Variants in ARHGAP39 observed in about 807,000 individuals in gnomAD.
The protein encoded by ARHGAP39 is rho GTPase-activating protein 39.
A neutral mutation model predicts 106.9 loss-of-function variants in ARHGAP39; 44 were observed. The ratio of observed to expected loss-of-function variants is 0.41; its 90% CI spans 0.32 to 0.53. The LOEUF is 0.53. Among genes scored for constraint, ARHGAP39 ranks in the 20% least tolerant of loss-of-function variants. The pLI is 0.21. For missense variants in ARHGAP39, 1,496 were observed against 1,577.3 expected (o/e 0.95, Z 0.87); for synonymous variants, 768 against 693.2 (o/e 1.11, Z -1.69).
chr8:144,581,518 G>A (rs1465579731), intron 2 of ARHGAP39, among the ~76,000 whole-genome samples: 1 of 152,246 alleles, frequency 6.6e-6, no homozygotes, highest in South Asian at 2.1e-4. Flanking sequence ...TGGGCCCCAC[G>A]TGGGGTAGGG....
intron 3 of ARHGAP39, among the ~76,000 whole-genome samples, chr8:144,560,079 G>T (rs185147317): frequency 1.3e-5 from 2 of 152,316 alleles, no homozygotes; most frequent in African/African-American, 4.8e-5. Context: ...TATGACTAAT[G>T]TACATTGCTT....
chr8:144,631,382 TCCAAC>T (rs1468823984), intron 1 of ARHGAP39, among the ~76,000 whole-genome samples: 3 of 152,234 alleles, frequency 2.0e-5, no homozygotes, highest in Admixed American at 2.0e-4. Context: ...TCACTCATCT[TCCAAC>T]CCTCGAGTTC....
chr8:144,615,891 C>G (rs1015890951), intron 1 of ARHGAP39, among the ~76,000 whole-genome samples: 7 of 152,234 alleles, frequency 4.6e-5, no homozygotes, highest in Non-Finnish European at 8.8e-5. Flanking sequence ...AGCAGCTGTG[C>G]TCACCAAAGC....
Position 144,548,772 on chromosome 8 carries a change from G to C in ARHGAP39, c.597-283C>G, listed in dbSNP as rs1311061301. Among the ~76,000 whole-genome samples, 1 of 152,170 alleles carries C rather than the reference G, an allele frequency of 6.6e-6. No homozygotes were observed. The highest frequency in any genetic ancestry group is 2.1e-4 in the South Asian group (1 of 4,826). ...TGCTTCTGTAACTAGAACCGGGGGC[G>C]GCGTTACCAGGGCCCTTAATGTGGG... On this transcript the variant is annotated intron_variant, in intron 4 of 11. Transcript: ENST00000377307. This position sits in a 1 kb window ranked among gnomAD's most constrained non-coding sequence, Gnocchi z 7.4.
chr8:144,530,669 G>GC, intron 11 of ARHGAP39, 33 bp downstream of exon 11: 1 of 1,105,636 alleles, frequency 9.0e-7, no homozygotes, highest in Non-Finnish European at 1.3e-6. Flanking sequence ...GCGGGGAGGG[G>GC]AAAGCAGCGG....
At chr8:144,578,131 A>G (rs1383260451) in intron 3 of ARHGAP39, among the ~76,000 whole-genome samples, 2 of 152,258 alleles carry the variant, frequency 1.3e-5, no homozygotes, top group African/African-American at 2.4e-5. Context: ...AAAACTTATT[A>G]CAAAGCTACA....
At chr8:144,681,417 G>A (rs1052421929) in intron 1 of ARHGAP39, among the ~76,000 whole-genome samples, 1 of 152,214 alleles carries the variant, frequency 6.6e-6, no homozygotes, top group Non-Finnish European at 1.5e-5. Context: ...TGTCTTTACA[G>A]GACACCTGCA....
intron 1 of ARHGAP39, among the ~76,000 whole-genome samples, chr8:144,640,223 G>A (rs1385828517): frequency 1.3e-5 from 2 of 152,178 alleles, no homozygotes; most frequent in Non-Finnish European, 1.5e-5. Flanking sequence ...TTGCACACGG[G>A]GGACTGACAG....
Position 144,547,987 on chromosome 8 carries a change from G to T in ARHGAP39, c.1099C>A (p.Pro367Thr). 1 of 1,609,774 alleles carries T rather than the reference G, an allele frequency of 6.2e-7. No homozygotes were observed. ...LQPNKQGPPS[P>T]CQQLVLTKQK... ...TTGGTGAGCACCAGCTGCTGGCAGGGCGAGGGGGGGCCCTGCTTGTTGGGC... is the reference window on the plus strand; with the variant it reads ...TTGGTGAGCACCAGCTGCTGGCAGGTCGAGGGGGGGCCCTGCTTGTTGGGC... Residue 367 changes from proline (P) to threonine (T), a missense_variant, in exon 5 of 12, where the codon CCC (proline) becomes ACC (threonine). Around this residue, in one of 4 missense-constraint regions of ARHGAP39, gnomAD observed 905 missense variants for 816.4 expected, o/e 1.11. Transcript: ENST00000377307. This position sits in a 1 kb window ranked among gnomAD's most constrained non-coding sequence, Gnocchi z 5.2.
the ARHGAP39 span, among the ~76,000 whole-genome samples, chr8:144,695,543 C>T: frequency 5.9e-5 from 9 of 152,018 alleles, no homozygotes; most frequent in Admixed American, 4.6e-4. Context: ...TTAGAGAAAA[C>T]GCCACACTTT....
intron 1 of ARHGAP39, among the ~76,000 whole-genome samples, chr8:144,637,492 C>T (rs1821200493): frequency 6.6e-6 from 1 of 152,250 alleles, no homozygotes; most frequent in South Asian, 2.1e-4. Context: ...TGCCTGTAAT[C>T]CCAGCTACTC....
chr8:144,624,140 A>G (rs930045262), intron 1 of ARHGAP39, among the ~76,000 whole-genome samples: 3 of 152,208 alleles, frequency 2.0e-5, no homozygotes, highest in Non-Finnish European at 4.4e-5. Flanking sequence ...TAAATCAGCC[A>G]GGAGCCATAC....
intron 6 of ARHGAP39, among the ~76,000 whole-genome samples, chr8:144,540,227 A>C (rs1356054302): frequency 1.3e-5 from 2 of 152,168 alleles, no homozygotes; most frequent in Non-Finnish European, 2.9e-5. Flanking sequence ...GCAAAACTTC[A>C]TCTCTCCAAA....
At chr8:144,650,054 A>G (rs547691757) in intron 1 of ARHGAP39, among the ~76,000 whole-genome samples, 1 of 152,128 alleles carries the variant, frequency 6.6e-6, no homozygotes, top group Admixed American at 6.5e-5. Flanking sequence ...AAGACAGGAG[A>G]ATTTCTTGAA....
At position 144,684,488 on chromosome 8, in the gene ARHGAP39, G is replaced by C. The variant is rs777140596; in HGVS notation, c.-82+1198C>G. 2.3e-4 allele frequency among the ~76,000 whole-genome samples: 35 copies of C among 152,214 alleles called. No homozygotes were observed. Among genetic ancestry groups the C allele is most frequent in the Non-Finnish European group, 7.3e-5 (5 of 68,036 alleles). ...CACCACTGTAGGTTTTTCAGCAGAG[G>C]TCACTGGAGGTCTGGTTAAACCCGT... is the stretch of plus-strand genomic sequence containing the variant. On this transcript the variant is annotated intron_variant, in intron 1 of 11. Transcript: ENST00000377307. The surrounding 1 kb of genome is among the most constrained non-coding windows in gnomAD (Gnocchi z 4.4).
intron 4 of ARHGAP39, among the ~76,000 whole-genome samples, chr8:144,553,994 G>C (rs1208394166): frequency 6.6e-6 from 1 of 152,254 alleles, no homozygotes; most frequent in Non-Finnish European, 1.5e-5. Context: ...CTGTGTCGGG[G>C]GGCCTGGCCA....
intron 4 of ARHGAP39, among the ~76,000 whole-genome samples, chr8:144,549,031 C>T (rs1817594942): frequency 6.6e-6 from 1 of 152,246 alleles, no homozygotes; most frequent in African/African-American, 2.4e-5. Flanking sequence ...ACTCCAACAG[C>T]TGCAGGTGTC....
At chr8:144,530,650 G>A (rs367901706) in intron 11 of ARHGAP39, 34 bp from the exon 12 acceptor site, 189 of 1,534,232 alleles carry the variant, frequency 1.2e-4, no homozygotes, top group Middle Eastern at 9.2e-4. Context: ...GCGGAGGGGC[G>A]GGGGCGGGGC....
Position 144,547,007 on chromosome 8 carries a change from G to A in ARHGAP39, c.1959+120C>T. The A allele has an allele frequency of 7.8e-7, 1 of 1,278,228 alleles. No homozygotes were observed. Among genetic ancestry groups the A allele is most frequent in the East Asian group, 2.7e-5 (1 of 37,256 alleles). The allele number at this position is 1,278,228 out of a possible 1,614,324, so 79.2% of individuals were successfully genotyped here. A position where few individuals can be genotyped will look rare whatever the true frequency, so the allele number is the denominator to read the frequency against. On this transcript the variant is annotated intron_variant, in intron 5 of 11. Transcript: ENST00000377307. The surrounding 1 kb of genome is among the most constrained non-coding windows in gnomAD (Gnocchi z 5.2). ...AGGGCCCCGGAGACACGGGGCTTCA[G>A]AACTCTGCGTGCTGCGTGCACGCCC...
Sources: gnomAD v4.1 joint callset for allele counts (sites outside exome capture counted in the v4.1 genomes callset) on GRCh38, gnomAD v4.1.1 for gene constraint, gnomAD v4.1.1 regional missense constraint, Gnocchi (gnomAD v3.1) non-coding constraint, MANE v1.5 for transcripts, NCBI Gene and HGNC (gene_info 2026-07-23, HGNC 2026-07-21) for gene names.